Variants in BRDT observed in about 807,000 individuals in gnomAD.
The protein encoded by BRDT is bromodomain testis-specific protein.
In BRDT, 77 loss-of-function variants were observed where a neutral mutation model predicts 113.9. The observed-to-expected ratio is 0.68, with a 90% CI of 0.56 to 0.82. The LOEUF (loss-of-function observed/expected upper bound fraction) is 0.82, where lower values mean the gene tolerates loss of function less well. Ranked by LOEUF, BRDT falls within the 40% of genes least tolerant of loss-of-function variation. The pLI is 0.00. For missense variants in BRDT, 1,027 were observed against 1,105.4 expected (o/e 0.93, Z 1.01); for synonymous variants, 358 against 366.5 (o/e 0.98, Z 0.26).
intron 12 of BRDT, among the ~76,000 whole-genome samples, chr1:91,990,427 T>G (rs1685650121): frequency 6.6e-6 from 1 of 152,194 alleles, no homozygotes; most frequent in Admixed American, 6.5e-5. Flanking sequence ...GACATCCCCT[T>G]CTCTTATAGT....
chr1:91,996,386 T>G (rs1269762317), intron 15 of BRDT, among the ~76,000 whole-genome samples: 1 of 152,158 alleles, frequency 6.6e-6, no homozygotes, highest in East Asian at 1.9e-4. Context: ...GTAGTTGGGA[T>G]TACAGGCATG....
At chr1:91,983,679 GT>G (rs1684926663) in intron 12 of BRDT, among the ~76,000 whole-genome samples, 2 of 149,590 alleles carry the variant, frequency 1.3e-5, no homozygotes, top group Non-Finnish European at 3.0e-5. Context: ...AAAGTAGCAA[GT>G]TTTTGTTTTT....
intron 12 of BRDT, among the ~76,000 whole-genome samples, chr1:91,989,193 A>G (rs984267670): frequency 4.1e-5 from 5 of 122,780 alleles, no homozygotes; most frequent in African/African-American, 1.7e-4. Flanking sequence ...TAGAACACCA[A>G]TCTGGTATGT....
At position 91,980,824 on chromosome 1, in the gene BRDT, C is replaced by G. The variant is rs751902677; in HGVS notation, c.1460+9C>G. ...GAAAAGTCCAAGAGAAAGTAAGTAT[C>G]TTTTATTATGATAGCTTATTAAGAC... On this transcript the variant is annotated intron_variant, in intron 9 of 18. Coordinates refer to ENST00000399546, the MANE Select transcript of BRDT (RefSeq NM_207189.4). 1 of 1,590,066 alleles carries G rather than the reference C, an allele frequency of 6.3e-7. No individual in the cohort carries two copies. Among genetic ancestry groups the G allele is most frequent in the East Asian group, 2.2e-5 (1 of 44,688 alleles).
chr1:91,964,868 A>T, intron 3 of BRDT, 104 bp downstream of exon 3: 1 of 793,628 alleles, frequency 1.3e-6, no homozygotes, highest in Non-Finnish European at 1.8e-6. Flanking sequence ...TCTTCGTTTG[A>T]GATACTTGAC....
chr1:91,986,939 A>ATCTTTTTT (rs1557844440), intron 12 of BRDT, among the ~76,000 whole-genome samples: 1 of 149,072 alleles, frequency 6.7e-6, no homozygotes. Flanking sequence ...ACTTTTATAA[A>ATCTTTTTT]TTCTTTTTTT....
In BRDT at chr1:92,009,545, C is replaced by CTTT. The variant is rs59044630; in HGVS notation, c.2775+4263_2775+4265dup. On this transcript the variant is annotated intron_variant, in intron 18 of 18. Coordinates refer to ENST00000399546, the MANE Select transcript of BRDT (RefSeq NM_207189.4). ...TGTTTGCAGGTTTTTCAACTTGCCA[C>CTTT]TTTTTTTTTTTTTTTTTTTCTCTTG... Among the ~76,000 whole-genome samples the CTTT allele has an allele frequency of 6.5e-3, 677 of 103,414 alleles. 72 individuals are homozygous for CTTT. The highest frequency in any genetic ancestry group is 0.018 in the African/African-American group (509 of 27,682). The allele number at this position is 103,414 out of a possible 152,430, so 67.8% of individuals were successfully genotyped here.
At chr1:91,959,839 G>T (rs549375000) in intron 1 of BRDT, among the ~76,000 whole-genome samples, 78 of 152,240 alleles carry the variant, frequency 5.1e-4, no homozygotes, top group Middle Eastern at 3.4e-3. Context: ...AATCGTGAAA[G>T]TAGAAGATTG....
At chr1:91,955,621 A>C (rs771596311) in intron 1 of BRDT, among the ~76,000 whole-genome samples, 6 of 152,208 alleles carry the variant, frequency 3.9e-5, no homozygotes, top group Non-Finnish European at 7.3e-5. Context: ...AAGTATCATA[A>C]AAAGCCACAT....
At chr1:91,955,253 C>T (rs911020496) in intron 1 of BRDT, among the ~76,000 whole-genome samples, 1 of 151,974 alleles carries the variant, frequency 6.6e-6, no homozygotes, top group South Asian at 2.1e-4. Flanking sequence ...GTCAGAAGTT[C>T]AAGACAGCCT....
intron 5 of BRDT, 77 bp from the exon 6 acceptor site, chr1:91,976,966 T>C (rs1449960533): frequency 2.5e-6 from 3 of 1,179,970 alleles, no homozygotes; most frequent in Non-Finnish European, 3.5e-6. Context: ...TTTCCCTTTT[T>C]TTCTTTTAAC....
rs1310802182 is a variant in BRDT, at chr1:92,005,112, C to T, written c.2595-7C>T. 2 of 1,448,114 alleles carry T rather than the reference C, an allele frequency of 1.4e-6. No homozygotes were observed. The highest frequency in any genetic ancestry group is 1.5e-5 in the African/African-American group (1 of 68,118). The allele number at this position is 1,448,114 out of a possible 1,614,324, so 89.7% of individuals were successfully genotyped here. A position where few individuals can be genotyped will look rare whatever the true frequency, so the allele number is the denominator to read the frequency against. ...ACCTACTTTGAGCTATACTTTTTTT[C>T]TTTAAGGGATCTTGGGAATGGATTG... On this transcript the variant is annotated splice_polypyrimidine_tract_variant and splice_region_variant and intron_variant, in intron 17 of 18. Coordinates refer to ENST00000399546, the MANE Select transcript of BRDT (RefSeq NM_207189.4).
intron 18 of BRDT, among the ~76,000 whole-genome samples, chr1:92,007,247 TG>T (rs1687397846): frequency 6.6e-6 from 1 of 152,220 alleles, no homozygotes; most frequent in Non-Finnish European, 1.5e-5. Flanking sequence ...TGTTAACTTT[TG>T]TTTTAGGTTC....
At chr1:92,004,749 A>G (rs1687151754) in intron 17 of BRDT, 130 bp downstream of exon 17, 1 of 788,910 alleles carries the variant, frequency 1.3e-6, no homozygotes, top group Non-Finnish European at 1.9e-6. Context: ...TGTAATTGCA[A>G]AAAGTACATT....
intron 1 of BRDT, among the ~76,000 whole-genome samples, chr1:91,961,210 C>T (rs898737381): frequency 6.6e-6 from 1 of 152,150 alleles, no homozygotes; most frequent in Non-Finnish European, 1.5e-5. Context: ...ACTCAGGAAG[C>T]TGAGGCAGGA....
chr1:91,951,782 T>A (rs1681115140), intron 1 of BRDT, among the ~76,000 whole-genome samples: 1 of 149,362 alleles, frequency 6.7e-6, no homozygotes, highest in Admixed American at 6.7e-5. Flanking sequence ...GTGGGGAAGG[T>A]GAGGTGGCTC....
chr1:91,981,711 G>A lies in BRDT; in HGVS notation c.1958G>A (p.Ser653Asn), dbSNP rs772772196. 1.4e-5 allele frequency: 22 copies of A among 1,614,178 alleles called. No homozygotes were observed. The Admixed American group carries it at 3.2e-4, about 23-fold the overall frequency. Residue 653 changes from serine to asparagine, a missense_variant, in exon 12 of 19, where the codon AGC (serine) becomes AAC (asparagine). Coordinates refer to ENST00000399546, the MANE Select transcript of BRDT (RefSeq NM_207189.4). ...AGCAGCTCATCAGAGTCTGAAAGTAGCAGCAGTGACTTAAGCTCTTCAGAC... is the reference window on the plus strand; with the variant it reads ...AGCAGCTCATCAGAGTCTGAAAGTAACAGCAGTGACTTAAGCTCTTCAGAC... ...SSSSSSESES[S>N]SSDLSSSDSS...
In BRDT at chr1:91,964,875, T is replaced by G. The variant is rs575344581; in HGVS notation, c.330+111T>G. On this transcript the variant is annotated intron_variant, in intron 3 of 18. Coordinates refer to ENST00000399546, the MANE Select transcript of BRDT (RefSeq NM_207189.4). ...TTCAATTCTCTTCGTTTGAGATACT[T>G]GACGTGTGTGTGTGTGTGTGTGTGT... The G allele has an allele frequency of 2.7e-3, 2,042 of 753,194 alleles. 38 individuals carry two copies. In the African/African-American group the frequency reaches 0.033, roughly 12 times the overall value. 46.7% of individuals were successfully genotyped at this position (753,194 alleles called of 1,614,324 possible).
intron 3 of BRDT, 130 bp from the exon 4 acceptor site, chr1:91,968,016 T>C: frequency 1.2e-6 from 1 of 846,734 alleles, no homozygotes. Flanking sequence ...CACTATTTTC[T>C]AAATTTATAA....
Sources: allele counts gnomAD v4.1 joint callset (sites outside exome capture counted in the v4.1 genomes callset), GRCh38; gene constraint gnomAD v4.1.1; transcripts MANE v1.5; gene names NCBI Gene and HGNC (gene_info 2026-07-23, HGNC 2026-07-21).